Variants in DDX60 observed in about 807,000 individuals in gnomAD.
The protein encoded by DDX60 is probable ATP-dependent RNA helicase DDX60.
DDX60 carries 165 observed loss-of-function variants against 212.8 expected under a neutral mutation model. That is an observed-to-expected ratio of 0.78 (90% CI 0.68 to 0.88). The LOEUF (loss-of-function observed/expected upper bound fraction) is 0.88, where lower values mean the gene tolerates loss of function less well. Among genes scored for constraint, DDX60 ranks in the 40% least tolerant of loss-of-function variants. The pLI is 0.00. For synonymous variants in DDX60, 703 were observed against 685.3 expected, an observed-to-expected ratio of 1.03 and a Z score of -0.40; for missense variants, 1,905 against 2,003.9, an observed-to-expected ratio of 0.95 and a Z score of 0.94.
At chr4:168,261,119 T>C (rs1734608259) in intron 24 of DDX60, 130 bp from the exon 25 acceptor site, 2 of 979,450 alleles carry the variant, frequency 2.0e-6, no homozygotes, top group Non-Finnish European at 3.0e-6. Flanking sequence ...CCTATGAAAG[T>C]ACATTATAAA....
At chr4:168,222,056 T>A (rs912203509) in intron 35 of DDX60, among the ~76,000 whole-genome samples, 175 bp from the exon 36 acceptor site, 4 of 151,952 alleles carry the variant, frequency 2.6e-5, no homozygotes, top group Non-Finnish European at 5.9e-5. Context: ...TAAGCAAGAG[T>A]GGAGAGTGGC....
chr4:168,266,141 T>G (rs1235316266), intron 22 of DDX60, among the ~76,000 whole-genome samples: 1 of 152,194 alleles, frequency 6.6e-6, no homozygotes, highest in Admixed American at 6.5e-5. Flanking sequence ...GGCCCCACCA[T>G]TTACTTAATG....
chr4:168,279,825 T>C (rs764443058), intron 14 of DDX60, among the ~76,000 whole-genome samples: 4 of 152,236 alleles, frequency 2.6e-5, no homozygotes, highest in Non-Finnish European at 5.9e-5. Flanking sequence ...CTGAATTTGC[T>C]GAAGTGTTTC....
chr4:168,271,507 T>C (rs1735095631), intron 19 of DDX60, among the ~76,000 whole-genome samples: 1 of 152,232 alleles, frequency 6.6e-6, no homozygotes, highest in Non-Finnish European at 1.5e-5. Context: ...TTTCCATAAA[T>C]GCTTCCACGC....
At chr4:168,322,869 C>A (rs1488264487), upstream of DDX60, among the ~76,000 whole-genome samples, 1 of 152,182 alleles carries the variant, frequency 6.6e-6, no homozygotes, top group Non-Finnish European at 1.5e-5. Context: ...CCAGGGTCTG[C>A]AATTACCAAA....
intron 30 of DDX60, among the ~76,000 whole-genome samples, chr4:168,239,480 CAT>C (rs1488443071): frequency 6.6e-6 from 1 of 151,952 alleles, no homozygotes; most frequent in Non-Finnish European, 1.5e-5. Flanking sequence ...TAGATAGATA[CAT>C]AGATAGATTT....
chr4:168,239,071 T>C (rs1163145472), intron 30 of DDX60, among the ~76,000 whole-genome samples: 1 of 152,154 alleles, frequency 6.6e-6, no homozygotes, highest in Non-Finnish European at 1.5e-5. Flanking sequence ...AAACACACAA[T>C]AGATCAAATC....
At chr4:168,295,333 A>G (rs1416560521) in intron 6 of DDX60, among the ~76,000 whole-genome samples, 1 of 152,220 alleles carries the variant, frequency 6.6e-6, no homozygotes, top group Non-Finnish European at 1.5e-5. Context: ...ATGAATTGCA[A>G]TGTAACTTAA....
At chr4:168,225,791 T>A (rs1733233496) in intron 33 of DDX60, 115 bp from the exon 34 acceptor site, 1 of 922,570 alleles carries the variant, frequency 1.1e-6, no homozygotes, top group Non-Finnish European at 1.6e-6. Context: ...TATCTATTAA[T>A]ATTTATTCAA....
chr4:168,253,918 G>A (rs17053871), intron 26 of DDX60, among the ~76,000 whole-genome samples: 14,772 of 152,094 alleles, frequency 0.097, 1,159 homozygotes, highest in African/African-American at 0.22. Context: ...TTTTCTCTTA[G>A]CTGTGCACGG....
intron 25 of DDX60, among the ~76,000 whole-genome samples, chr4:168,259,013 A>C (rs896290060): frequency 6.6e-6 from 1 of 152,032 alleles, no homozygotes; most frequent in Non-Finnish European, 1.5e-5. Context: ...ACTTTGTCAC[A>C]TTTTTCACAA....
chr4:168,247,198 G>T (rs1254677265), intron 29 of DDX60, among the ~76,000 whole-genome samples: 2 of 152,196 alleles, frequency 1.3e-5, no homozygotes, highest in Non-Finnish European at 2.9e-5. Context: ...AAGGCACTGG[G>T]AATGTAAGAG....
In DDX60 at chr4:168,276,624, A is replaced by C. The variant is rs571916915; in HGVS notation, c.1979-443T>G. Among the ~76,000 whole-genome samples the C allele has an allele frequency of 4.6e-5, 7 of 152,304 alleles. No individual in the cohort carries two copies. The South Asian group carries it at 1.5e-3, about 32-fold the overall frequency. ...TTGGTGTACTCATTGGAGCCCTTCA[A>C]TTCAATCCACCTCTTCCAACTGTCA... On this transcript the variant is annotated intron_variant, in intron 14 of 37. Transcript: ENST00000393743.
At chr4:168,275,577 T>C in intron 15 of DDX60, 74 bp from the exon 16 acceptor site, 1 of 1,274,018 alleles carries the variant, frequency 7.8e-7, no homozygotes, top group Non-Finnish European at 1.1e-6. Context: ...AAACATTTAT[T>C]ACTGAGCACT....
chr4:168,308,857 C>A (rs1214864871), intron 3 of DDX60, among the ~76,000 whole-genome samples: 3 of 151,490 alleles, frequency 2.0e-5, no homozygotes, highest in African/African-American at 4.8e-5. Context: ...GTGCAGCCTA[C>A]AAATATGAAA....
At chr4:168,275,242 A>T in intron 16 of DDX60, 103 bp downstream of exon 16, 1 of 1,069,296 alleles carries the variant, frequency 9.4e-7, no homozygotes, top group South Asian at 2.2e-5. Flanking sequence ...TCTTTAAATG[A>T]CATGAACATC....
In DDX60 at chr4:168,288,208, A is replaced by C. The variant is rs747391965; in HGVS notation, c.1149T>G (p.Asn383Lys). The change falls in exon 9 of 38, where the codon AAT (asparagine) becomes AAG (lysine). Residue 383 changes from asparagine (N) to lysine (K), a missense_variant. Coordinates refer to ENST00000393743, the MANE Select transcript of DDX60 (RefSeq NM_017631.6). ...SDLNDELLLK[N>K]IAFYYENENV... ...TTTCATTTTCATAGTAAAAAGCAAT[A>C]TTCTTCAACAAAAGCTCATCATTTA... 1 of 1,513,884 alleles carries C rather than the reference A, an allele frequency of 6.6e-7. No individual in the cohort carries two copies. Among genetic ancestry groups the C allele is most frequent in the East Asian group, 2.4e-5 (1 of 42,464 alleles). The allele number at this position is 1,513,884 out of a possible 1,614,324, so 93.8% of individuals were successfully genotyped here. A position where few individuals can be genotyped will look rare whatever the true frequency, so the allele number is the denominator to read the frequency against.
chr4:168,255,052 G>T (rs982320336), intron 26 of DDX60, among the ~76,000 whole-genome samples: 3 of 152,108 alleles, frequency 2.0e-5, no homozygotes, highest in Admixed American at 6.5e-5. Flanking sequence ...ATTGGAGAGT[G>T]GTGAACCTCA....
chr4:168,252,381 C>G (rs1040218190), intron 27 of DDX60, 128 bp downstream of exon 27: 2 of 1,165,366 alleles, frequency 1.7e-6, no homozygotes, highest in African/African-American at 1.6e-5. Context: ...GGAGAGTTCT[C>G]TTTTGGTAGG....
Sources: allele counts gnomAD v4.1 joint callset (sites outside exome capture counted in the v4.1 genomes callset), GRCh38; gene constraint gnomAD v4.1.1; transcripts MANE v1.5; gene names NCBI Gene and HGNC (gene_info 2026-07-23, HGNC 2026-07-21).